LRP1B: variants seen among roughly 807,000 people sequenced by gnomAD.
The protein encoded by LRP1B is LDL receptor related protein 1B, also known as low-density lipoprotein receptor-related protein 1B.
In LRP1B, 217 loss-of-function variants were observed where a neutral mutation model predicts 556.6. That is an observed-to-expected ratio of 0.39 (90% CI 0.35 to 0.44). LRP1B has a LOEUF of 0.44. LRP1B is among the 20% of genes least tolerant of loss of function. The pLI, the probability that LRP1B is intolerant of heterozygous loss-of-function variation, is 1.00. For synonymous variants in LRP1B, 2,047 were observed against 1,865.8 expected, an observed-to-expected ratio of 1.10 and a Z score of -2.50; for missense variants, 5,053 against 5,620.8, an observed-to-expected ratio of 0.90 and a Z score of 3.23.
chr2:141,533,195 C>T (rs13419567), intron 2 of LRP1B, among the ~76,000 whole-genome samples: 30,995 of 152,056 alleles, frequency 0.2, 3,316 homozygotes, highest in South Asian at 0.4. Flanking sequence ...CTGGCTAACA[C>T]TTTCAATGAA....
chr2:141,063,632 C>T (rs1018604325), intron 7 of LRP1B, among the ~76,000 whole-genome samples: 10 of 151,730 alleles, frequency 6.6e-5, no homozygotes, highest in Admixed American at 1.3e-4. Flanking sequence ...TCTCCCCCTC[C>T]GTCTCTCTCT....
chr2:141,220,769 TAA>T (rs34002651), intron 6 of LRP1B, among the ~76,000 whole-genome samples: 54,213 of 136,864 alleles, frequency 0.4, 11,012 homozygotes, highest in Middle Eastern at 0.57. Context: ...TCAACATTCT[TAA>T]AAAAAAAAAA....
At chr2:140,697,118 C>T (rs1686457860) in intron 41 of LRP1B, among the ~76,000 whole-genome samples, 1 of 152,146 alleles carries the variant, frequency 6.6e-6, no homozygotes, top group African/African-American at 2.4e-5. Flanking sequence ...TCATGTTTCA[C>T]TTCCCTACAT....
intron 2 of LRP1B, among the ~76,000 whole-genome samples, chr2:141,496,122 C>G (rs1227467933): frequency 6.6e-6 from 1 of 151,994 alleles, no homozygotes; most frequent in Admixed American, 6.6e-5. Flanking sequence ...TGCTGGAGTT[C>G]ATCAAGGGTT....
intron 1 of LRP1B, among the ~76,000 whole-genome samples, chr2:142,035,948 G>A (rs1315628449): frequency 6.6e-6 from 1 of 151,594 alleles, no homozygotes; most frequent in Non-Finnish European, 1.5e-5. Flanking sequence ...GGTTTATTAC[G>A]GGTTTCCACT....
At chr2:141,184,225 G>T (rs1407582571) in intron 7 of LRP1B, among the ~76,000 whole-genome samples, 1 of 152,002 alleles carries the variant, frequency 6.6e-6, no homozygotes, top group African/African-American at 2.4e-5. Flanking sequence ...AATATATCTT[G>T]CATAACAGCA....
chr2:140,988,868 A>C (rs1442718472), intron 17 of LRP1B, among the ~76,000 whole-genome samples: 1 of 152,164 alleles, frequency 6.6e-6, no homozygotes, highest in African/African-American at 2.4e-5. Context: ...ATCATTTAAA[A>C]AGAAGCACTA....
intron 1 of LRP1B, among the ~76,000 whole-genome samples, chr2:142,091,199 C>T (rs559522666): frequency 1.8e-4 from 28 of 152,194 alleles, no homozygotes; most frequent in Non-Finnish European, 3.7e-4. Context: ...TCTACAACTT[C>T]TATTTTCAGA....
chr2:142,025,703 C>T (rs543104000), intron 1 of LRP1B, among the ~76,000 whole-genome samples: 8 of 152,094 alleles, frequency 5.3e-5, no homozygotes, highest in Non-Finnish European at 1.0e-4. Flanking sequence ...GGGCAACTCT[C>T]TTCCTGTATA....
intron 1 of LRP1B, among the ~76,000 whole-genome samples, chr2:141,814,240 TCA>T (rs1696457301): frequency 6.6e-6 from 1 of 152,148 alleles, no homozygotes; most frequent in African/African-American, 2.4e-5. Context: ...TCATCTGGGC[TCA>T]CAGAGTGGGT....
At chr2:141,622,016 C>T (rs1024188242) in intron 2 of LRP1B, among the ~76,000 whole-genome samples, 17 of 151,968 alleles carry the variant, frequency 1.1e-4, no homozygotes, top group African/African-American at 3.9e-4. Flanking sequence ...CTCAGCCTCC[C>T]GAGTAGCTGG....
At chr2:141,020,203 G>A in intron 11 of LRP1B, 101 bp from the exon 12 acceptor site, 2 of 654,262 alleles carry the variant, frequency 3.1e-6, no homozygotes, top group Middle Eastern at 4.3e-4. Context: ...AGTTCAAAAA[G>A]GAAAGAACTC....
chr2:141,212,229 A>C, intron 6 of LRP1B, among the ~76,000 whole-genome samples: 1 of 106,928 alleles, frequency 9.4e-6, no homozygotes, highest in Non-Finnish European at 1.9e-5. Flanking sequence ...CCCCCAAGAT[A>C]TATTGATCAA....
At chr2:140,913,730 T>C (rs146654416) in intron 21 of LRP1B, among the ~76,000 whole-genome samples, 1 of 152,194 alleles carries the variant, frequency 6.6e-6, no homozygotes, top group Admixed American at 6.5e-5. Context: ...AAAATTCTAA[T>C]TTTTATATTT....
chr2:141,868,636 T>C (rs564603020), intron 1 of LRP1B, among the ~76,000 whole-genome samples: 1 of 152,308 alleles, frequency 6.6e-6, no homozygotes, highest in South Asian at 2.1e-4. Context: ...GTTTTTGCTA[T>C]TGAATGGAAG....
At chr2:140,423,506 C>A (rs1685533918) in intron 66 of LRP1B, among the ~76,000 whole-genome samples, 1 of 152,060 alleles carries the variant, frequency 6.6e-6, no homozygotes, top group South Asian at 2.1e-4. Flanking sequence ...ATAAGTCACT[C>A]ATATTTTAAT....
At chr2:141,712,930 A>G (rs886287412) in intron 2 of LRP1B, among the ~76,000 whole-genome samples, 17 of 146,974 alleles carry the variant, frequency 1.2e-4, no homozygotes, top group African/African-American at 4.3e-4. Flanking sequence ...TGCCTGCCTC[A>G]GCCTCCCAAA....
intron 35 of LRP1B, among the ~76,000 whole-genome samples, chr2:140,750,803 A>T (rs962719005): frequency 2.6e-5 from 4 of 152,158 alleles, no homozygotes; most frequent in Admixed American, 6.5e-5. Flanking sequence ...TATCTAATAC[A>T]TGACCAAATA....
rs1329427206 is a variant in LRP1B, at chr2:141,091,584, G to T, written c.1014-29311C>A. The stretch of plus-strand genomic sequence containing the variant: ...CTAAATTACCCAAGTCTGAGTGACT[G>T]TGGGTGTGTCTGAGTGCATCCTGTG... On this transcript the variant is annotated intron_variant, in intron 7 of 90. Coordinates refer to ENST00000389484, the MANE Select transcript of LRP1B (RefSeq NM_018557.3). Among the ~76,000 whole-genome samples the T allele has an allele frequency of 2.0e-5, 3 of 152,154 alleles. No homozygotes were observed. The East Asian group carries it at 5.8e-4, about 29-fold the overall frequency.
Sources: gnomAD v4.1 joint callset for allele counts (sites outside exome capture counted in the v4.1 genomes callset) on GRCh38, gnomAD v4.1.1 for gene constraint, MANE v1.5 for transcripts, NCBI Gene and HGNC (gene_info 2026-07-23, HGNC 2026-07-21) for gene names.